The following HIP1 variants were observed in gnomAD, a reference collection of about 807,000 sequenced individuals.
The protein encoded by HIP1 is huntingtin interacting protein 1, also known as huntingtin-interacting protein 1.
A neutral mutation model predicts 147.6 loss-of-function variants in HIP1; 65 were observed. That is an observed-to-expected ratio of 0.44 (90% CI 0.36 to 0.54). The LOEUF is 0.54. Among genes scored for constraint, HIP1 ranks in the 20% least tolerant of loss-of-function variants. The pLI, the probability that HIP1 is intolerant of heterozygous loss-of-function variation, is 0.00. For missense variants in HIP1, 1,061 were observed against 1,299.6 expected, an observed-to-expected ratio of 0.82 and a Z score of 2.82; for synonymous variants, 479 against 504.0, an observed-to-expected ratio of 0.95 and a Z score of 0.67.
In HIP1 at chr7:75,604,638, G is replaced by A. The variant is rs929422715; in HGVS notation, c.121-5391C>T. 3.4e-5 allele frequency among the ~76,000 whole-genome samples: 5 copies of A among 146,906 alleles called. 1 individual carries two copies. Among genetic ancestry groups the A allele is most frequent in the Non-Finnish European group, 6.0e-5 (4 of 66,458 alleles). On this transcript the variant is annotated intron_variant, in intron 1 of 30. Coordinates refer to ENST00000336926, the MANE Select transcript of HIP1 (RefSeq NM_005338.7). ...GAGCTGAGATTGCATCACTATGCTC[G>A]TCTGAATGACAGAGCAAGACCTTGT...
rs2117375697 is a variant in HIP1 at position 75,719,748 on chromosome 7, G to A, written c.120+19053C>T. Among the ~76,000 whole-genome samples, 2 of 152,146 alleles carry A rather than the reference G, an allele frequency of 1.3e-5. 1 individual carries two copies. Among genetic ancestry groups the A allele is most frequent in the African/African-American group, 4.8e-5 (2 of 41,526 alleles). On this transcript the variant is annotated intron_variant, in intron 1 of 30. Transcript: ENST00000336926. Reference sequence around the variant, plus strand: ...CACGCTCTTTTAATGGATCTCTACTGAATGGATTCAGATTGACCCATGTCT... The same window carrying A: ...CACGCTCTTTTAATGGATCTCTACTAAATGGATTCAGATTGACCCATGTCT...
At chr7:75,617,261 T>C (rs1797702868) in intron 1 of HIP1, among the ~76,000 whole-genome samples, 1 of 152,094 alleles carries the variant, frequency 6.6e-6, no homozygotes, top group Non-Finnish European at 1.5e-5. Flanking sequence ...TAGTTTTTAG[T>C]AGAGACGGGG....
intron 1 of HIP1, among the ~76,000 whole-genome samples, chr7:75,706,473 C>CTTTTTTTTTTTTTTTTTTTTT (rs139655610): frequency 2.9e-5 from 4 of 138,092 alleles, no homozygotes; most frequent in Non-Finnish European, 4.6e-5. Context: ...TATATATCTT[C>CTTTTTTTTTTTTTTTTTTTTT]TTTTTTTTTA....
rs1364100233 is a variant in HIP1, at chr7:75,553,585, C to T, written c.2163G>A (p.Leu721=). ...TGCCATACTGCTTACAGGCCTCGGTCAGTGCTGGAGATACAAGGCAATAGA... is the reference window on the plus strand; with the variant it reads ...TGCCATACTGCTTACAGGCCTCGGTTAGTGCTGGAGATACAAGGCAATAGA... ...LRAPPEPADS[L]TEACKQYGRE... is the part of the protein sequence containing the mutation. The change falls in exon 22 of 31, where the codon CTG becomes CTA. Residue 721 remains leucine (L), a synonymous_variant. Coordinates refer to ENST00000336926, the MANE Select transcript of HIP1 (RefSeq NM_005338.7). 1.2e-6 allele frequency: 2 copies of T among 1,613,584 alleles called. No individual in the cohort carries two copies. Among genetic ancestry groups the T allele is most frequent in the Non-Finnish European group, 1.7e-6 (2 of 1,179,902 alleles).
intron 2 of HIP1, among the ~76,000 whole-genome samples, chr7:75,595,087 C>T (rs1362973951): frequency 6.6e-6 from 1 of 152,116 alleles, no homozygotes; most frequent in South Asian, 2.1e-4. Context: ...CTGGAAGATA[C>T]CATAAAGCTC....
chr7:75,716,372 A>G (rs1484161202), intron 1 of HIP1, among the ~76,000 whole-genome samples: 2 of 150,156 alleles, frequency 1.3e-5, no homozygotes, highest in African/African-American at 4.9e-5. Context: ...GGATTAGCAC[A>G]CCACCATGCC....
intron 1 of HIP1, among the ~76,000 whole-genome samples, chr7:75,640,752 CAATAATAATAAT>C (rs139850457): frequency 2.2e-4 from 19 of 85,004 alleles, no homozygotes; most frequent in Admixed American, 3.5e-4. Flanking sequence ...GACTCCATCT[CAATAATAATAAT>C]AATAATAATA....
chr7:75,559,945 C>G (rs1213790427), intron 13 of HIP1, 30 bp from the exon 14 acceptor site: 2 of 1,554,946 alleles, frequency 1.3e-6, no homozygotes, highest in Non-Finnish European at 8.7e-7. Flanking sequence ...ATGAGGCCAA[C>G]CGCCCACTGC....
At chr7:75,554,871 C>A (rs1483420577) in intron 19 of HIP1, among the ~76,000 whole-genome samples, 2 of 151,686 alleles carry the variant, frequency 1.3e-5, no homozygotes, top group Non-Finnish European at 2.9e-5. Flanking sequence ...TTGGGACCAT[C>A]CTGGGCAATA....
intron 1 of HIP1, among the ~76,000 whole-genome samples, chr7:75,725,331 T>A (rs1801619426): frequency 6.6e-6 from 1 of 151,708 alleles, no homozygotes; most frequent in Non-Finnish European, 1.5e-5. Flanking sequence ...CAGCTAGGAG[T>A]TTTTTGTTTT....
chr7:75,632,442 G>A (rs1319034253), intron 1 of HIP1, among the ~76,000 whole-genome samples: 1 of 152,032 alleles, frequency 6.6e-6, no homozygotes, highest in Admixed American at 6.6e-5. Context: ...GTCTCACTCT[G>A]CCACCCAGGC....
chr7:75,542,948 G>A lies in HIP1; in HGVS notation c.2793C>T (p.Asn931=). ...GAGAGGCCTGCTGCAGCTGGGCTAG[G>A]TTGGGGCTGTCCTTATCAGCTTTCA... ...SKVKADKDSP[N]LAQLQQASRG... is the part of the protein sequence containing the mutation. Residue 931 remains asparagine (N), a synonymous_variant, in exon 28 of 31, where the codon AAC becomes AAT. Coordinates refer to ENST00000336926, the MANE Select transcript of HIP1 (RefSeq NM_005338.7). The A allele has an allele frequency of 6.2e-7, 1 of 1,614,040 alleles. No individual in the cohort carries two copies. The highest frequency in any genetic ancestry group is 1.3e-5 in the African/African-American group (1 of 75,040).
intron 13 of HIP1, 111 bp downstream of exon 13, chr7:75,561,218 T>G (rs1159954201): frequency 1.2e-6 from 1 of 852,854 alleles, no homozygotes; most frequent in East Asian, 2.4e-5. Context: ...CCTCCCAAAG[T>G]GCTAGGATTA....
intron 9 of HIP1, 105 bp from the exon 10 acceptor site, chr7:75,563,368 A>C (rs947731263): frequency 8.9e-6 from 8 of 900,342 alleles, no homozygotes; most frequent in African/African-American, 3.3e-5. Flanking sequence ...GCCCAAAGGC[A>C]CAGGCTGTCA....
chr7:75,625,787 G>A (rs1400418471), intron 1 of HIP1: 1 of 152,096 alleles, frequency 6.6e-6, no homozygotes, highest in Non-Finnish European at 1.5e-5. Flanking sequence ...AGAGGCTTTG[G>A]AGGCCGGGCG....
At chr7:75,597,052 G>T (rs1554502068) in intron 2 of HIP1, among the ~76,000 whole-genome samples, 1 of 152,152 alleles carries the variant, frequency 6.6e-6, no homozygotes, top group African/African-American at 2.4e-5. Context: ...TTCTTGGTTT[G>T]CTTTGAATCA....
intron 1 of HIP1, among the ~76,000 whole-genome samples, chr7:75,606,917 G>A (rs1360518190): frequency 1.3e-5 from 2 of 152,022 alleles, no homozygotes; most frequent in African/African-American, 4.8e-5. Flanking sequence ...CAAGGTACCT[G>A]AGATCTCTTA....
At chr7:75,634,338 C>A (rs1297752785) in intron 1 of HIP1, among the ~76,000 whole-genome samples, 1 of 152,126 alleles carries the variant, frequency 6.6e-6, no homozygotes, top group African/African-American at 2.4e-5. Flanking sequence ...ATCCTTCTTT[C>A]CTAAGTCTTC....
At chr7:75,553,627 T>A (rs1350964406) in intron 21 of HIP1, 38 bp from the exon 22 acceptor site, 1 of 1,595,082 alleles carries the variant, frequency 6.3e-7, no homozygotes, top group African/African-American at 1.3e-5. Flanking sequence ...TTTTTTGAGA[T>A]GGAGTCTCGC....
Sources: gnomAD v4.1 joint callset for allele counts (sites outside exome capture counted in the v4.1 genomes callset) on GRCh38, gnomAD v4.1.1 for gene constraint, MANE v1.5 for transcripts, NCBI Gene and HGNC (gene_info 2026-07-23, HGNC 2026-07-21) for gene names.